The following GPC5 variants were observed in gnomAD, a reference collection of about 807,000 sequenced individuals.
The protein encoded by GPC5 is glypican 5, also known as glypican-5.
Under a neutral mutation model 53.9 loss-of-function variants are expected in GPC5, and 47 were observed. The observed-to-expected ratio is 0.87, with a 90% CI of 0.69 to 1.11. The LOEUF is 1.11. GPC5 is among the 50% of genes most tolerant of loss of function. The probability of loss-of-function intolerance (pLI) is 0.00; values close to 1 mark genes in which losing one functional copy is unlikely to be tolerated. For synonymous variants in GPC5, 286 were observed against 263.3 expected, an observed-to-expected ratio of 1.09 and a Z score of -0.84; for missense variants, 748 against 713.1, an observed-to-expected ratio of 1.05 and a Z score of -0.56.
chr13:91,735,642 G>T lies in GPC5; in HGVS notation c.1154+6977G>T, dbSNP rs187322522. 6.6e-5 allele frequency among the ~76,000 whole-genome samples: 10 copies of T among 151,368 alleles called. No homozygotes were observed. The East Asian group carries it at 1.9e-3, about 29-fold the overall frequency. Reference sequence around the variant, plus strand: ...AGATTGATTTGAACAAAGATATTAGGATAATGCTATAAATGGCTATTTTTC... The same window carrying T: ...AGATTGATTTGAACAAAGATATTAGTATAATGCTATAAATGGCTATTTTTC... On this transcript the variant is annotated intron_variant, in intron 4 of 7. Transcript: ENST00000377067.
At chr13:91,428,781 G>A (rs181102026) in intron 1 of GPC5, among the ~76,000 whole-genome samples, 4 of 151,812 alleles carry the variant, frequency 2.6e-5, no homozygotes, top group African/African-American at 7.3e-5. Flanking sequence ...AAGGGAACAC[G>A]TGCTTATTTG....
chr13:91,881,323 A>G (rs968008016), intron 5 of GPC5, among the ~76,000 whole-genome samples: 1 of 152,092 alleles, frequency 6.6e-6, no homozygotes, highest in African/African-American at 2.4e-5. Context: ...TAAGATTCTA[A>G]TTTATATCTT....
chr13:92,362,861 T>C (rs1032590296), intron 7 of GPC5, among the ~76,000 whole-genome samples: 1 of 151,776 alleles, frequency 6.6e-6, no homozygotes, highest in South Asian at 2.1e-4. Context: ...GCAGGTTATT[T>C]AACATATGGC....
intron 1 of GPC5, among the ~76,000 whole-genome samples, chr13:91,402,485 T>C (rs1877026231): frequency 1.3e-5 from 2 of 152,208 alleles, no homozygotes; most frequent in Non-Finnish European, 2.9e-5. Context: ...CTTGGTAACC[T>C]TGGAGTTTGG....
intron 6 of GPC5, among the ~76,000 whole-genome samples, chr13:91,983,319 C>A (rs1334363130): frequency 6.6e-6 from 1 of 150,706 alleles, no homozygotes; most frequent in African/African-American, 2.4e-5. Flanking sequence ...GCACTTCAGC[C>A]TGGGCGACAG....
intron 7 of GPC5, among the ~76,000 whole-genome samples, chr13:92,756,427 G>A (rs1187775618): frequency 3.3e-5 from 5 of 151,556 alleles, no homozygotes; most frequent in East Asian, 2.0e-4. Context: ...GCACAAGACA[G>A]GGATGCCCTC....
intron 7 of GPC5, among the ~76,000 whole-genome samples, chr13:92,552,434 T>C (rs901478777): frequency 3.3e-5 from 5 of 151,904 alleles, no homozygotes; most frequent in Non-Finnish European, 5.9e-5. Context: ...ATTTTATATT[T>C]GAAGAGCAAG....
intron 2 of GPC5, among the ~76,000 whole-genome samples, chr13:91,649,274 A>G (rs1302814203): frequency 6.6e-6 from 1 of 152,022 alleles, no homozygotes; most frequent in East Asian, 1.9e-4. Context: ...GACTAATACA[A>G]CTCTTGAGTG....
chr13:92,078,076 A>G (rs1420722974), intron 6 of GPC5, among the ~76,000 whole-genome samples: 1 of 152,210 alleles, frequency 6.6e-6, no homozygotes, highest in East Asian at 1.9e-4. Context: ...TGTATACATC[A>G]TATATACCTA....
intron 2 of GPC5, among the ~76,000 whole-genome samples, chr13:91,532,095 GA>G (rs768433287): frequency 1.3e-5 from 2 of 151,442 alleles, no homozygotes; most frequent in Admixed American, 6.6e-5. Context: ...CTCCTTAATG[GA>G]AAAAAAATGA....
intron 7 of GPC5, among the ~76,000 whole-genome samples, chr13:92,747,078 A>AATCT: frequency 6.6e-6 from 1 of 152,138 alleles, no homozygotes; most frequent in East Asian, 1.9e-4. Context: ...ACAGTTATAC[A>AATCT]ATCTTATGGG....
At chr13:91,950,137 G>C (rs2040012947) in intron 6 of GPC5, among the ~76,000 whole-genome samples, 1 of 151,992 alleles carries the variant, frequency 6.6e-6, no homozygotes, top group Admixed American at 6.6e-5. Context: ...GTTGACAGCA[G>C]GGTCAGCAGA....
intron 7 of GPC5, among the ~76,000 whole-genome samples, chr13:92,335,042 A>G (rs1408193938): frequency 6.6e-6 from 1 of 152,090 alleles, no homozygotes; most frequent in Non-Finnish European, 1.5e-5. Flanking sequence ...CAGCTCCACT[A>G]GGCAGTGCCC....
At chr13:92,001,119 G>C (rs2040550329) in intron 6 of GPC5, among the ~76,000 whole-genome samples, 1 of 152,172 alleles carries the variant, frequency 6.6e-6, no homozygotes, top group African/African-American at 2.4e-5. Flanking sequence ...AGAATAATAG[G>C]CATAGCATAG....
At chr13:92,785,815 A>G (rs1876212134) in intron 7 of GPC5, among the ~76,000 whole-genome samples, 1 of 152,176 alleles carries the variant, frequency 6.6e-6, no homozygotes, top group African/African-American at 2.4e-5. Flanking sequence ...GCAGTACAAT[A>G]TTCTGTGCCT....
chr13:92,742,286 G>A (rs1202480292), intron 7 of GPC5, among the ~76,000 whole-genome samples: 18 of 151,796 alleles, frequency 1.2e-4, no homozygotes, highest in Non-Finnish European at 2.5e-4. Context: ...TCTAACTGGT[G>A]TGAGATGGTA....
chr13:91,769,009 GTCTTTCTCTCTC>G (rs6145175), intron 5 of GPC5, among the ~76,000 whole-genome samples: 41,243 of 151,930 alleles, frequency 0.27, 6,129 homozygotes, highest in African/African-American at 0.37. Context: ...AACAAAACCA[GTCTTTCTCTCTC>G]TCTTTCTCTC....
chr13:91,549,679 G>C (rs1591535), intron 2 of GPC5, among the ~76,000 whole-genome samples: 119,093 of 152,046 alleles, frequency 0.78, 47,488 homozygotes, highest in East Asian at 1. Context: ...CATATGTCAT[G>C]AGGGAAATAA....
intron 6 of GPC5, among the ~76,000 whole-genome samples, chr13:92,011,029 C>A (rs1189818491): frequency 6.6e-6 from 1 of 152,122 alleles, no homozygotes; most frequent in East Asian, 1.9e-4. Context: ...AACAGTTTTG[C>A]ATGTGTGTGA....
Sources: gnomAD v4.1 joint callset for allele counts (sites outside exome capture counted in the v4.1 genomes callset) on GRCh38, gnomAD v4.1.1 for gene constraint, MANE v1.5 for transcripts, NCBI Gene and HGNC (gene_info 2026-07-23, HGNC 2026-07-21) for gene names.